The following NCAM2 variants were observed in gnomAD, a reference collection of about 807,000 sequenced individuals.
NCAM2 encodes N-CAM-2.
NCAM2 carries 30 observed loss-of-function variants against 98.1 expected under a neutral mutation model. The ratio of observed to expected loss-of-function variants is 0.31; its 90% confidence interval spans 0.23 to 0.41. The LOEUF is 0.41. Among genes scored for constraint, NCAM2 ranks in the 10% least tolerant of loss-of-function variants. The pLI is 1.00. For synonymous variants in NCAM2, 368 were observed against 342.4 expected, an observed-to-expected ratio of 1.07 and a Z score of -0.83; for missense variants, 867 against 1,005.8, an observed-to-expected ratio of 0.86 and a Z score of 1.87.
intron 12 of NCAM2, among the ~76,000 whole-genome samples, chr21:21,446,130 G>A (rs1342352039): frequency 1.3e-5 from 2 of 152,026 alleles, no homozygotes; most frequent in Admixed American, 1.3e-4. Context: ...CATTGAAAAT[G>A]CTTTTCTTTA....
intron 1 of NCAM2, among the ~76,000 whole-genome samples, chr21:21,251,618 G>A (rs911267694): frequency 1.1e-4 from 16 of 151,986 alleles, no homozygotes; most frequent in African/African-American, 2.9e-4. Flanking sequence ...GTAAACATAC[G>A]TGTGCCTTTG....
chr21:21,157,036 G>A (rs2067635977), intron 1 of NCAM2, among the ~76,000 whole-genome samples: 2 of 148,956 alleles, frequency 1.3e-5, no homozygotes, highest in South Asian at 4.3e-4. Flanking sequence ...CAGAGCAGCA[G>A]CTGTATTCCT....
chr21:21,495,555 T>C (rs951502819), intron 15 of NCAM2, among the ~76,000 whole-genome samples: 1 of 152,092 alleles, frequency 6.6e-6, no homozygotes, highest in Non-Finnish European at 1.5e-5. Context: ...TTGTTTTTGG[T>C]GCTGTTTGTC....
rs1203072126 is a variant in NCAM2, at chr21:21,264,990, G to GTATATATACACATATATATTATA, written c.56-15585_56-15584insATATACACATATATATTATATAT. ...ATATACACATATATATTATATATGT[G>GTATATATACACATATATATTATA]TATGTGTATATATACACATATATAT... On this transcript the variant is annotated intron_variant, in intron 1 of 17. Transcript: ENST00000400546. Among the ~76,000 whole-genome samples, 614 of 81,782 alleles carry GTATATATACACATATATATTATA rather than the reference G, an allele frequency of 7.5e-3. 24 individuals carry two copies. The highest frequency in any genetic ancestry group is 0.027 in the African/African-American group (591 of 21,586). The allele number at this position is 81,782 out of a possible 152,430, so 53.7% of individuals were successfully genotyped here.
Position 21,388,482 on chromosome 21 carries a change from A to G in NCAM2, c.1195+14469A>G, listed in dbSNP as rs546846351. 4.6e-5 allele frequency among the ~76,000 whole-genome samples: 7 copies of G among 152,262 alleles called. No individual in the cohort carries two copies. In the South Asian group the frequency reaches 1.2e-3, roughly 27 times the overall value. The stretch of plus-strand genomic sequence containing the variant: ...GCAGCGCAGAGGCTAATGTTGCTGA[A>G]GCTGAATAAGCAAGGGTCAGAGAGG... On this transcript the variant is annotated intron_variant, in intron 9 of 17. Coordinates refer to ENST00000400546, the MANE Select transcript of NCAM2 (RefSeq NM_004540.5).
intron 6 of NCAM2, among the ~76,000 whole-genome samples, chr21:21,329,319 A>C (rs1393877361): frequency 2.0e-5 from 3 of 152,162 alleles, no homozygotes; most frequent in Non-Finnish European, 4.4e-5. Context: ...GCAGATATTT[A>C]CTATTATGTT....
At chr21:21,257,298 G>A (rs1346631749) in intron 1 of NCAM2, among the ~76,000 whole-genome samples, 2 of 152,156 alleles carry the variant, frequency 1.3e-5, no homozygotes, top group Non-Finnish European at 2.9e-5. Flanking sequence ...TGACAGCCAA[G>A]CACTCCTTTC....
chr21:21,081,378 C>G (rs577987815), intron 1 of NCAM2, among the ~76,000 whole-genome samples: 1 of 152,222 alleles, frequency 6.6e-6, no homozygotes, highest in East Asian at 1.9e-4. Flanking sequence ...TTTAGAGAGA[C>G]AGTTAACAAC....
intron 1 of NCAM2, among the ~76,000 whole-genome samples, chr21:21,265,332 A>T (rs2072196721): frequency 7.7e-6 from 1 of 130,458 alleles, no homozygotes; most frequent in East Asian, 2.4e-4. Flanking sequence ...CACATATATA[A>T]TATATATGTG....
intron 1 of NCAM2, among the ~76,000 whole-genome samples, chr21:21,231,010 T>C (rs2070603081): frequency 6.6e-6 from 1 of 151,360 alleles, no homozygotes; most frequent in South Asian, 2.1e-4. Flanking sequence ...CTCCAGTGTG[T>C]GCTGGATGTG....
intron 12 of NCAM2, among the ~76,000 whole-genome samples, chr21:21,434,833 T>G (rs2077432813): frequency 1.3e-5 from 2 of 152,066 alleles, no homozygotes; most frequent in South Asian, 4.2e-4. Flanking sequence ...CTGGGGAGCT[T>G]AATGGTGAAA....
intron 1 of NCAM2, among the ~76,000 whole-genome samples, chr21:21,259,219 C>T (rs1198285997): frequency 6.6e-6 from 1 of 152,114 alleles, no homozygotes; most frequent in Non-Finnish European, 1.5e-5. Flanking sequence ...CAACAGAGGA[C>T]AGACAAGCCA....
intron 9 of NCAM2, chr21:21,385,529 T>G: frequency 3.2e-6 from 2 of 623,966 alleles, no homozygotes; most frequent in Non-Finnish European, 5.2e-6. Flanking sequence ...GAAGCCGCAT[T>G]TACTGTAATA....
At chr21:21,193,098 GGAT>G (rs2068879306) in intron 1 of NCAM2, among the ~76,000 whole-genome samples, 1 of 152,042 alleles carries the variant, frequency 6.6e-6, no homozygotes, top group Non-Finnish European at 1.5e-5. Flanking sequence ...CTCCGTTTAT[GGAT>G]TATTCAAGGT....
chr21:21,135,310 G>C (rs1256764086), intron 1 of NCAM2, among the ~76,000 whole-genome samples: 1 of 151,452 alleles, frequency 6.6e-6, no homozygotes, highest in Non-Finnish European at 1.5e-5. Context: ...CAAAATGCTG[G>C]GACTACAAGC....
chr21:21,027,823 A>G (rs1219338718), intron 1 of NCAM2, among the ~76,000 whole-genome samples: 3 of 151,004 alleles, frequency 2.0e-5, no homozygotes, highest in Non-Finnish European at 4.4e-5. Flanking sequence ...TGAATATGTA[A>G]TTGCCCTTTC....
intron 15 of NCAM2, among the ~76,000 whole-genome samples, chr21:21,482,465 G>T (rs1263350495): frequency 6.6e-6 from 1 of 151,802 alleles, no homozygotes; most frequent in Non-Finnish European, 1.5e-5. Context: ...AGGTTAAAGT[G>T]GTTTTAATTT....
chr21:21,509,075 A>T lies in NCAM2; in HGVS notation c.2282+20A>T. The T allele has an allele frequency of 6.2e-7, 1 of 1,611,746 alleles. No homozygotes were observed. Among genetic ancestry groups the T allele is most frequent in the Non-Finnish European group, 8.5e-7 (1 of 1,178,728 alleles). On this transcript the variant is annotated intron_variant, in intron 16 of 17. Coordinates refer to ENST00000400546, the MANE Select transcript of NCAM2 (RefSeq NM_004540.5). Reference sequence around the variant, plus strand: ...ATACCTGTGAGTATCAGGCATCTACATCATGTCATATTAAACAAGCGCCAC... The same window carrying T: ...ATACCTGTGAGTATCAGGCATCTACTTCATGTCATATTAAACAAGCGCCAC...
intron 1 of NCAM2, among the ~76,000 whole-genome samples, chr21:21,150,083 A>G (rs1177476442): frequency 6.6e-6 from 1 of 152,042 alleles, no homozygotes; most frequent in South Asian, 2.1e-4. Context: ...TTATGTGTTT[A>G]GGTTCCTTAT....
Sources: gnomAD v4.1 joint callset for allele counts (sites outside exome capture counted in the v4.1 genomes callset) on GRCh38, gnomAD v4.1.1 for gene constraint, MANE v1.5 for transcripts, NCBI Gene and HGNC (gene_info 2026-07-23, HGNC 2026-07-21) for gene names.